CLRN1: variants seen among roughly 807,000 people sequenced by gnomAD.
The protein encoded by CLRN1 is clarin-1.
A neutral mutation model predicts 18.7 loss-of-function variants in CLRN1; 15 were observed. That is an observed-to-expected ratio of 0.80 (90% CI 0.54 to 1.23). The LOEUF (loss-of-function observed/expected upper bound fraction) is 1.23. Among genes scored for constraint, CLRN1 ranks in the 50% most tolerant of loss-of-function variants. The pLI is 0.00. For missense variants in CLRN1, 311 were observed against 277.5 expected, an observed-to-expected ratio of 1.12 and a Z score of -0.86; for synonymous variants, 104 against 102.9, an observed-to-expected ratio of 1.01 and a Z score of -0.07.
Position 150,929,279 on chromosome 3 carries a change from C to A in CLRN1, c.434-1078G>T, listed in dbSNP as rs913618969. 1.1e-4 allele frequency among the ~76,000 whole-genome samples: 17 copies of A among 152,090 alleles called. 1 individual carries two copies. Among genetic ancestry groups the A allele is most frequent in the Non-Finnish European group, 2.2e-4 (15 of 68,010 alleles). On this transcript the variant is annotated intron_variant, in intron 2 of 2. Transcript: ENST00000327047. ...AAGCTGGAAACTCTGGTGAGTGTCT[C>A]CCCCGAAGATGGACACTGGGAGACT...
intron 1 of CLRN1, among the ~76,000 whole-genome samples, chr3:150,949,210 A>G (rs992585056): frequency 1.3e-5 from 2 of 152,236 alleles, no homozygotes; most frequent in Non-Finnish European, 2.9e-5. Flanking sequence ...AACACACCTC[A>G]AAATAATAAT....
chr3:150,958,117 T>G (rs1419446521), intron 1 of CLRN1, among the ~76,000 whole-genome samples: 1 of 152,196 alleles, frequency 6.6e-6, no homozygotes. Flanking sequence ...ACATCTCTGG[T>G]TGATGTTCCA....
Position 150,969,784 on chromosome 3 carries a change from C to T in CLRN1, c.253+2672G>A, listed in dbSNP as rs138270506. On this transcript the variant is annotated intron_variant, in intron 1 of 2. Coordinates refer to ENST00000327047, the MANE Select transcript of CLRN1 (RefSeq NM_174878.3). ...AACTTGCCATGAGACCAGCCTGGCC[C>T]ACATGGTGAAACCCTGTCTTTACTA... 5.6e-3 allele frequency among the ~76,000 whole-genome samples: 846 copies of T among 151,688 alleles called. 7 individuals are homozygous for T. The highest frequency in any genetic ancestry group is 0.019 in the African/African-American group (797 of 41,374).
Position 150,928,057 on chromosome 3 carries a change from A to C in CLRN1, c.578T>G (p.Phe193Cys). Reference sequence around the variant, plus strand: ...CAGAAAATGAACAAAAAAGCAAAAGAAAATGACCCAGAATGAGGTGGTATA... The same window carrying C: ...CAGAAAATGAACAAAAAAGCAAAAGCAAATGACCCAGAATGAGGTGGTATA... ...EKYTTSFWVIFFCFFVHFLNG... is the reference protein window; with the variant it reads ...EKYTTSFWVICFCFFVHFLNG... The change falls in exon 3 of 3, where the codon TTC becomes TGC. Residue 193 changes from phenylalanine (F) to cysteine (C), a missense_variant. Physicochemically the swap from Phe to Cys is radical, Grantham distance 205. Transcript: ENST00000327047. 3.1e-6 allele frequency: 5 copies of C among 1,614,170 alleles called. No homozygotes were observed. Among genetic ancestry groups the C allele is most frequent in the Non-Finnish European group, 4.2e-6 (5 of 1,180,006 alleles).
chr3:150,930,471 A>C lies in CLRN1; in HGVS notation c.434-2270T>G, dbSNP rs118138748. ...CATCATCAAATAATCAAATAATATA[A>C]TTTTCTTGAAATTTCACTTTCTACC... On this transcript the variant is annotated intron_variant, in intron 2 of 2. Coordinates refer to ENST00000327047, the MANE Select transcript of CLRN1 (RefSeq NM_174878.3). 1.4e-4 allele frequency among the ~76,000 whole-genome samples: 22 copies of C among 152,076 alleles called. No homozygotes were observed. In the East Asian group the frequency reaches 4.3e-3, roughly 29 times the overall value.
At chr3:150,965,279 C>G (rs1030571984) in intron 1 of CLRN1, among the ~76,000 whole-genome samples, 1 of 152,220 alleles carries the variant, frequency 6.6e-6, no homozygotes, top group African/African-American at 2.4e-5. Context: ...TCAAGAGAAA[C>G]AGCATCATAA....
intron 2 of CLRN1, among the ~76,000 whole-genome samples, chr3:150,928,543 A>C (rs1712958687): frequency 6.6e-6 from 1 of 152,176 alleles, no homozygotes; most frequent in Non-Finnish European, 1.5e-5. Flanking sequence ...TTAAAGGCAT[A>C]ATGGTGGAAT....
Position 150,927,677 on chromosome 3 carries a change from A to C in CLRN1, c.*259T>G. The C allele has an allele frequency of 1.7e-6, 1 of 605,624 alleles. No homozygotes were observed. The highest frequency in any genetic ancestry group is 3.1e-6 in the Non-Finnish European group (1 of 326,080). The allele number at this position is 605,624 out of a possible 1,614,324, so 37.5% of individuals were successfully genotyped here. A position where few individuals can be genotyped will look rare whatever the true frequency, so the allele number is the denominator to read the frequency against. On this transcript the variant is annotated 3_prime_UTR_variant, in exon 3 of 3. Coordinates refer to ENST00000327047, the MANE Select transcript of CLRN1 (RefSeq NM_174878.3). Reference sequence around the variant, plus strand: ...ACACACACATATATATATATGGAGTAACAATTTGTCGATTCTAGTCAACTG... The same window carrying C: ...ACACACACATATATATATATGGAGTCACAATTTGTCGATTCTAGTCAACTG...
At chr3:150,969,109 A>C (rs1481266488) in intron 1 of CLRN1, among the ~76,000 whole-genome samples, 2 of 148,874 alleles carry the variant, frequency 1.3e-5, no homozygotes, top group Non-Finnish European at 3.0e-5. Flanking sequence ...AGACAGCGTC[A>C]AGAAAAAAAA....
chr3:150,951,698 C>T (rs548085900), intron 1 of CLRN1, among the ~76,000 whole-genome samples: 2 of 152,170 alleles, frequency 1.3e-5, no homozygotes, highest in South Asian at 2.1e-4. Context: ...CCAGGCTGTA[C>T]GTGGCAGCAT....
At position 150,927,948 on chromosome 3, in the gene CLRN1, A is replaced by T; in HGVS notation, c.687T>A (p.Asp229Glu). Residue 229 changes from aspartate to glutamate, a missense_variant, in exon 3 of 3, where the codon GAT (aspartate) becomes GAA (glutamate). Coordinates refer to ENST00000327047, the MANE Select transcript of CLRN1 (RefSeq NM_174878.3). ...KDAETTNVAA[D>E]LMY is the part of the protein sequence containing the mutation. ...AAAGGTTTGCCTTTCAGTACATTAG[A>T]TCTGCAGCTACATTAGTTGTTTCTG... is the stretch of plus-strand genomic sequence containing the variant. 6.2e-7 allele frequency: 1 copy of T among 1,614,192 alleles called. No individual in the cohort carries two copies. The highest frequency in any genetic ancestry group is 8.5e-7 in the Non-Finnish European group (1 of 1,180,028).
intron 2 of CLRN1, among the ~76,000 whole-genome samples, chr3:150,929,676 T>G (rs1453655953): frequency 2.0e-5 from 3 of 152,234 alleles, no homozygotes; most frequent in Non-Finnish European, 4.4e-5. Flanking sequence ...GGATTCCTTT[T>G]TTCTTGCAAG....
intron 1 of CLRN1, chr3:150,943,698 C>A: frequency 6.5e-7 from 1 of 1,526,882 alleles, no homozygotes; most frequent in Non-Finnish European, 9.0e-7. Context: ...CAGAGGGCAG[C>A]CACCCTACAT....
At chr3:150,943,699 C>T in intron 1 of CLRN1, 1 of 1,531,096 alleles carries the variant, frequency 6.5e-7, no homozygotes, top group Non-Finnish European at 9.0e-7. Context: ...AGAGGGCAGC[C>T]ACCCTACATG....
intron 1 of CLRN1, among the ~76,000 whole-genome samples, chr3:150,968,175 C>G (rs902976043): frequency 1.3e-5 from 2 of 152,028 alleles, no homozygotes; most frequent in Non-Finnish European, 2.9e-5. Flanking sequence ...TGATTGATAC[C>G]ATATGATTCT....
In CLRN1 at chr3:150,972,567, T is replaced by A; in HGVS notation, c.142A>T (p.Asn48Tyr). 2.5e-6 allele frequency: 4 copies of A among 1,614,218 alleles called. No homozygotes were observed. The highest frequency in any genetic ancestry group is 3.4e-6 in the Non-Finnish European group (4 of 1,180,030). ...TTGTCCAGCTCCTGCCCTGAGGCATTGACGAGCAGAGCTCCCGTTTTGCAG... is the reference window on the plus strand; with the variant it reads ...TTGTCCAGCTCCTGCCCTGAGGCATAGACGAGCAGAGCTCCCGTTTTGCAG... Reference protein sequence around the residue: ...VLCKTGALLVNASGQELDKFM... With the variant: ...VLCKTGALLVYASGQELDKFM... Residue 48 changes from asparagine to tyrosine, a missense_variant, in exon 1 of 3, where the codon AAT (asparagine) becomes TAT (tyrosine). By Grantham distance (143) the Asn-to-Tyr change is moderately radical. Transcript: ENST00000327047.
At chr3:150,962,719 A>G (rs1457863884) in intron 1 of CLRN1, among the ~76,000 whole-genome samples, 1 of 152,248 alleles carries the variant, frequency 6.6e-6, no homozygotes, top group Non-Finnish European at 1.5e-5. Context: ...ATCTTAAATT[A>G]GCTAACCACA....
chr3:150,940,426 TGGTTG>T, intron 2 of CLRN1: 8 of 1,468,054 alleles, frequency 5.4e-6, no homozygotes, highest in Non-Finnish European at 7.3e-6. Context: ...TACACGTTTG[TGGTTG>T]GGGTTGAATT....
At chr3:150,946,397 G>A (rs1714170826) in intron 1 of CLRN1, among the ~76,000 whole-genome samples, 1 of 152,076 alleles carries the variant, frequency 6.6e-6, no homozygotes, top group Non-Finnish European at 1.5e-5. Context: ...GCCACCTTAG[G>A]GACTGGCATG....
Sources: gnomAD v4.1 joint callset for allele counts (sites outside exome capture counted in the v4.1 genomes callset) on GRCh38, gnomAD v4.1.1 for gene constraint, MANE v1.5 for transcripts, NCBI Gene and HGNC (gene_info 2026-07-23, HGNC 2026-07-21) for gene names.